HTR7: variants seen among roughly 807,000 people sequenced by gnomAD.
The protein encoded by HTR7 is 5-hydroxytryptamine receptor 7.
HTR7 carries 16 observed loss-of-function variants against 34.0 expected under a neutral mutation model. That is an observed-to-expected ratio of 0.47 (90% confidence interval 0.32 to 0.71). The LOEUF (loss-of-function observed/expected upper bound fraction) is 0.71. Among genes scored for constraint, HTR7 ranks in the 30% least tolerant of loss-of-function variants. HTR7 has a pLI of 0.04. For missense variants in HTR7, 504 were observed against 625.5 expected (o/e 0.81, Z 2.07); for synonymous variants, 265 against 260.2 (o/e 1.02, Z -0.18).
At chr10:90,768,810 A>C (rs1221966688) in intron 1 of HTR7, among the ~76,000 whole-genome samples, 1 of 152,222 alleles carries the variant, frequency 6.6e-6, no homozygotes, top group Non-Finnish European at 1.5e-5. Flanking sequence ...CACACTTCAG[A>C]TGAGAAAGAT....
intron 1 of HTR7, among the ~76,000 whole-genome samples, chr10:90,854,390 A>G (rs1846548132): frequency 6.6e-6 from 1 of 152,106 alleles, no homozygotes; most frequent in Non-Finnish European, 1.5e-5. Context: ...CAACAAAACA[A>G]TAACAACAAA....
chr10:90,848,355 C>G (rs909454046), intron 1 of HTR7, among the ~76,000 whole-genome samples: 1 of 152,124 alleles, frequency 6.6e-6, no homozygotes, highest in Non-Finnish European at 1.5e-5. Context: ...TAGGTGTAAG[C>G]CACTGTGCCT....
At chr10:90,768,365 A>C (rs1304921646) in intron 1 of HTR7, among the ~76,000 whole-genome samples, 1 of 152,224 alleles carries the variant, frequency 6.6e-6, no homozygotes. Flanking sequence ...ATCAAATATG[A>C]AACATTTTCA....
chr10:90,815,676 T>A (rs567361762), intron 1 of HTR7, among the ~76,000 whole-genome samples: 2 of 152,192 alleles, frequency 1.3e-5, no homozygotes, highest in Non-Finnish European at 2.9e-5. Context: ...TGGCACACGT[T>A]TACCTACGTA....
intron 1 of HTR7, among the ~76,000 whole-genome samples, chr10:90,805,767 T>C (rs1192786577): frequency 6.6e-6 from 1 of 152,212 alleles, no homozygotes; most frequent in Admixed American, 6.5e-5. Flanking sequence ...CATGTGTATG[T>C]GATGTTTCAC....
intron 1 of HTR7, among the ~76,000 whole-genome samples, chr10:90,825,231 C>T (rs1251636475): frequency 1.3e-5 from 2 of 151,988 alleles, no homozygotes; most frequent in Admixed American, 6.5e-5. Flanking sequence ...AAGGCAGTAC[C>T]TCTATGAGTC....
rs567213144 is a variant in HTR7, at chr10:90,741,557, C to T, written c.*925G>A. On this transcript the variant is annotated 3_prime_UTR_variant, in exon 4 of 4. Transcript: ENST00000336152. ...CTCAACAAGAATGAACATGTTTATG[C>T]CCCATCTCCAGAAGCATCACATTTC... is the stretch of plus-strand genomic sequence containing the variant. 2.6e-4 allele frequency: 40 copies of T among 152,366 alleles called. 1 individual carries two copies. Among genetic ancestry groups the T allele is most frequent in the African/African-American group, 8.9e-4 (37 of 41,584 alleles). 9.4% of individuals were successfully genotyped at this position (152,366 alleles called of 1,614,324 possible). A position where few individuals can be genotyped will look rare whatever the true frequency, so the allele number is the denominator to read the frequency against.
intron 1 of HTR7, among the ~76,000 whole-genome samples, chr10:90,779,360 G>A (rs2119838547): frequency 6.6e-6 from 1 of 152,320 alleles, no homozygotes; most frequent in South Asian, 2.1e-4. Flanking sequence ...GTGATTGTGA[G>A]AAGTGGGCAA....
chr10:90,743,813 G>T, intron 2 of HTR7, 123 bp from the exon 3 acceptor site: 2 of 790,034 alleles, frequency 2.5e-6, no homozygotes, highest in Non-Finnish European at 4.4e-6. Flanking sequence ...GAATACTTGT[G>T]AAAAGGATTA....
chr10:90,794,673 T>C (rs1219206067), intron 1 of HTR7, among the ~76,000 whole-genome samples: 3 of 152,004 alleles, frequency 2.0e-5, no homozygotes, highest in Admixed American at 1.3e-4. Context: ...GCTATTTTTT[T>C]ATTATTATTT....
At chr10:90,796,543 G>C (rs748363684) in intron 1 of HTR7, among the ~76,000 whole-genome samples, 4 of 152,110 alleles carry the variant, frequency 2.6e-5, no homozygotes, top group Non-Finnish European at 5.9e-5. Context: ...GAGCAATATA[G>C]CCAGACCCTG....
intron 1 of HTR7, among the ~76,000 whole-genome samples, chr10:90,770,933 C>A (rs1010128193): frequency 1.3e-5 from 2 of 152,178 alleles, no homozygotes; most frequent in Non-Finnish European, 2.9e-5. Flanking sequence ...CTTTTTCAGA[C>A]CCACCCATGG....
intron 1 of HTR7, among the ~76,000 whole-genome samples, chr10:90,799,004 C>T (rs1845582571): frequency 6.6e-6 from 1 of 152,084 alleles, no homozygotes; most frequent in Non-Finnish European, 1.5e-5. Flanking sequence ...TCTGACCCTC[C>T]CCAAATTGCT....
intron 1 of HTR7, among the ~76,000 whole-genome samples, chr10:90,754,360 G>T (rs1205189318): frequency 6.6e-6 from 1 of 151,400 alleles, no homozygotes; most frequent in African/African-American, 2.4e-5. Context: ...TCCAAACCTT[G>T]TATAGGATAA....
At chr10:90,831,555 G>C (rs1333171200) in intron 1 of HTR7, among the ~76,000 whole-genome samples, 1 of 152,232 alleles carries the variant, frequency 6.6e-6, no homozygotes, top group African/African-American at 2.4e-5. Flanking sequence ...CTTCCAAACT[G>C]TGGAAAGGGA....
At chr10:90,788,664 T>A (rs1490383992) in intron 1 of HTR7, among the ~76,000 whole-genome samples, 1 of 152,214 alleles carries the variant, frequency 6.6e-6, no homozygotes, top group Non-Finnish European at 1.5e-5. Context: ...CTACCTATAC[T>A]TTGTTTAGAG....
At chr10:90,820,551 G>C (rs1845963372) in intron 1 of HTR7, among the ~76,000 whole-genome samples, 1 of 152,168 alleles carries the variant, frequency 6.6e-6, no homozygotes, top group Admixed American at 6.5e-5. Flanking sequence ...AACTAAAAAT[G>C]AGTTTTATAC....
Position 90,749,121 on chromosome 10 carries a change from A to G in HTR7, c.1013T>C (p.Val338Ala). ...GAGGAGGAAAAATGGCAGCCAGCAC[A>G]CGGTAAAGGCCCCGACGATGATCCC... is the stretch of plus-strand genomic sequence containing the variant. ...TLGIIVGAFT[V>A]CWLPFFLLST... Residue 338 changes from valine (V) to alanine (A), a missense_variant, in exon 2 of 4, where the codon GTG becomes GCG. Physicochemically the swap from Val to Ala is moderately conservative, Grantham distance 64. Around this residue, in one of 4 missense-constraint regions of HTR7, gnomAD observed 154 missense variants for 212.1 expected, o/e 0.73. Coordinates refer to ENST00000336152, the MANE Select transcript of HTR7 (RefSeq NM_019859.4). The surrounding 1 kb of genome is among the most constrained non-coding windows in gnomAD (Gnocchi z 4.2). 6.2e-6 allele frequency: 10 copies of G among 1,614,188 alleles called. No homozygotes were observed. Among genetic ancestry groups the G allele is most frequent in the Non-Finnish European group, 8.5e-6 (10 of 1,180,026 alleles).
intron 1 of HTR7, among the ~76,000 whole-genome samples, chr10:90,844,236 C>G (rs1357899107): frequency 2.6e-5 from 4 of 152,122 alleles, no homozygotes; most frequent in African/African-American, 7.2e-5. Context: ...ACAGCATGAC[C>G]CAGTAGTGCC....
Sources: gnomAD v4.1 joint callset for allele counts (sites outside exome capture counted in the v4.1 genomes callset) on GRCh38, gnomAD v4.1.1 for gene constraint, gnomAD v4.1.1 regional missense constraint, Gnocchi (gnomAD v3.1) non-coding constraint, MANE v1.5 for transcripts, NCBI Gene and HGNC (gene_info 2026-07-23, HGNC 2026-07-21) for gene names.